Variants in PIKFYVE observed in about 807,000 individuals in gnomAD.
PIKFYVE encodes phosphoinositide kinase, FYVE-type zinc finger containing.
In PIKFYVE, 122 loss-of-function variants were observed where a neutral mutation model predicts 257.9. The observed-to-expected ratio is 0.47, with a 90% CI of 0.41 to 0.55. The LOEUF is 0.55. PIKFYVE is among the 20% of genes least tolerant of loss of function. The pLI is 0.00. For missense variants in PIKFYVE, 2,160 were observed against 2,536.6 expected (o/e 0.85, Z 3.19); for synonymous variants, 892 against 868.9 (o/e 1.03, Z -0.47).
chr2:208,280,827 T>G (rs1190321706), intron 5 of PIKFYVE, among the ~76,000 whole-genome samples: 1 of 152,216 alleles, frequency 6.6e-6, no homozygotes, highest in Admixed American at 6.5e-5. Context: ...ACTTCACTTG[T>G]GGAGACATTA....
At position 208,304,869 on chromosome 2, in the gene PIKFYVE, A is replaced by T; in HGVS notation, c.1492A>T (p.Thr498Ser). The T allele has an allele frequency of 6.2e-7, 1 of 1,614,154 alleles. No individual in the cohort carries two copies. The highest frequency in any genetic ancestry group is 8.5e-7 in the Non-Finnish European group (1 of 1,180,024). ...AGATTCTGCCAGTCCTAGCAAGCGC[A>T]CATCAGTCAGCAGTTTCCAGTCCAC... The part of the protein sequence containing the change: ...LANSASPSKR[T>S]SVSSFQSTVD... The change falls in exon 12 of 42, where the codon ACA (threonine) becomes TCA (serine). Residue 498 changes from threonine (T) to serine (S), a missense_variant. Coordinates refer to ENST00000264380, the MANE Select transcript of PIKFYVE (RefSeq NM_015040.4).
intron 39 of PIKFYVE, 118 bp from the exon 40 acceptor site, chr2:208,353,780 T>C: frequency 8.4e-7 from 1 of 1,189,750 alleles, no homozygotes; most frequent in Non-Finnish European, 1.2e-6. Context: ...AGTTAAACTT[T>C]GGAGTGTGTG....
chr2:208,326,143 C>A lies in PIKFYVE; in HGVS notation c.3332C>A (p.Ser1111Tyr). The change falls in exon 20 of 42, where the codon TCT becomes TAT. Residue 1111 changes from serine to tyrosine, a missense_variant. Transcript: ENST00000264380. ...RRKKQLLRDL[S>Y]GLQGMNGSIQ... is the part of the protein sequence containing the mutation. The stretch of plus-strand genomic sequence containing the variant: ...AAGAAACAGCTGCTCAGGGATCTCT[C>A]TGGACTTCAGGGCATGAATGGAAGT... 1 of 1,614,098 alleles carries A rather than the reference C, an allele frequency of 6.2e-7. No individual in the cohort carries two copies. The highest frequency in any genetic ancestry group is 8.5e-7 in the Non-Finnish European group (1 of 1,180,024).
intron 5 of PIKFYVE, among the ~76,000 whole-genome samples, chr2:208,279,086 T>C (rs1690477022): frequency 3.3e-5 from 5 of 152,226 alleles, no homozygotes; most frequent in Admixed American, 3.3e-4. Context: ...GGCTTTTTAA[T>C]AACAGCCATT....
intron 7 of PIKFYVE, among the ~76,000 whole-genome samples, chr2:208,293,046 C>A (rs1232972106): frequency 6.9e-6 from 1 of 144,474 alleles, no homozygotes; most frequent in African/African-American, 2.5e-5. Context: ...TATGTTATTC[C>A]ATTTTCTCTC....
intron 1 of PIKFYVE, among the ~76,000 whole-genome samples, chr2:208,270,199 G>A (rs1689235436): frequency 6.6e-6 from 1 of 151,788 alleles, no homozygotes; most frequent in African/African-American, 2.4e-5. Flanking sequence ...CCGCCACCAT[G>A]TCCAGCTAAT....
At chr2:208,301,685 T>C (rs1038814132) in intron 9 of PIKFYVE, among the ~76,000 whole-genome samples, 2 of 152,228 alleles carry the variant, frequency 1.3e-5, no homozygotes, top group African/African-American at 4.8e-5. Context: ...TTTGTGCTTT[T>C]AGTCACATTA....
Position 208,330,575 on chromosome 2 carries a change from A to T in PIKFYVE, c.3844A>T (p.Ile1282Phe), listed in dbSNP as rs1424288463. The T allele has an allele frequency of 6.8e-6, 11 of 1,614,076 alleles. No individual in the cohort carries two copies. The highest frequency in any genetic ancestry group is 1.7e-5 in the Admixed American group (1 of 60,002). The stretch of plus-strand genomic sequence containing the variant: ...CTGTGATACCCCCATGGTACATCAT[A>T]TTCGGCGCTTTGTTCATGGCCAAGG... ...MFCDTPMVHHIRRFVHGQGCV... is the reference protein window; with the variant it reads ...MFCDTPMVHHFRRFVHGQGCV... The change falls in exon 23 of 42, where the codon ATT becomes TTT. Residue 1282 changes from isoleucine (I) to phenylalanine (F), a missense_variant. This residue lies in a region of PIKFYVE where 55 missense variants were observed against 103.0 expected (regional missense o/e 0.53). Coordinates refer to ENST00000264380, the MANE Select transcript of PIKFYVE (RefSeq NM_015040.4).
intron 7 of PIKFYVE, among the ~76,000 whole-genome samples, chr2:208,293,081 T>C (rs1692515679): frequency 3.8e-5 from 1 of 26,122 alleles, no homozygotes; most frequent in African/African-American, 1.1e-4. Flanking sequence ...CGAGTTACAT[T>C]CTTTTTTTTT....
chr2:208,276,879 T>G, intron 4 of PIKFYVE, 49 bp downstream of exon 4: 1 of 1,468,214 alleles, frequency 6.8e-7, no homozygotes, highest in Non-Finnish European at 9.5e-7. Flanking sequence ...CTTATGGGGA[T>G]CATGCCATAC....
chr2:208,316,954 C>T (rs939775379), intron 15 of PIKFYVE, among the ~76,000 whole-genome samples: 7 of 152,140 alleles, frequency 4.6e-5, no homozygotes, highest in Non-Finnish European at 1.0e-4. Flanking sequence ...AACTGGATTC[C>T]TTCCTTACAT....
chr2:208,314,243 G>T (rs1177066598), intron 13 of PIKFYVE, 51 bp from the exon 14 acceptor site: 2 of 1,575,124 alleles, frequency 1.3e-6, no homozygotes, highest in Admixed American at 3.3e-5. Flanking sequence ...TGAGTAGATG[G>T]TATAAAACAG....
intron 12 of PIKFYVE, 96 bp downstream of exon 12, chr2:208,305,109 CG>C: frequency 6.3e-7 from 1 of 1,576,846 alleles, no homozygotes; most frequent in South Asian, 1.2e-5. Flanking sequence ...CTCTGTCCCA[CG>C]TGGCTGAGGG....
intron 5 of PIKFYVE, among the ~76,000 whole-genome samples, chr2:208,285,519 T>G (rs755768224): frequency 6.6e-5 from 10 of 152,206 alleles, no homozygotes; most frequent in Non-Finnish European, 1.5e-4. Context: ...AGTGCCAGAA[T>G]TCAAAATGGC....
At chr2:208,341,653 T>C (rs1322290719) in intron 31 of PIKFYVE, among the ~76,000 whole-genome samples, 1 of 152,148 alleles carries the variant, frequency 6.6e-6, no homozygotes, top group Non-Finnish European at 1.5e-5. Context: ...TGTTGTCTCT[T>C]TGTATTCTCA....
At chr2:208,291,480 C>G (rs1198930233) in intron 7 of PIKFYVE, among the ~76,000 whole-genome samples, 1 of 152,156 alleles carries the variant, frequency 6.6e-6, no homozygotes, top group Admixed American at 6.5e-5. Context: ...GAAATCCTGG[C>G]CTCACAGACT....
Position 208,325,923 on chromosome 2 carries a change from C to G in PIKFYVE, c.3112C>G (p.Arg1038Gly). The G allele has an allele frequency of 6.2e-7, 1 of 1,614,046 alleles. No individual in the cohort carries two copies. Among genetic ancestry groups the G allele is most frequent in the Non-Finnish European group, 8.5e-7 (1 of 1,179,948 alleles). Residue 1038 changes from arginine to glycine, a missense_variant, in exon 20 of 42, where the codon CGA becomes GGA. Physicochemically the swap from Arg to Gly is moderately radical, Grantham distance 125. Coordinates refer to ENST00000264380, the MANE Select transcript of PIKFYVE (RefSeq NM_015040.4). The part of the protein sequence containing the change: ...TEEVTSSEDK[R>G]KTYSLAFKQE... ...GGAAGTCACCTCCTCTGAAGATAAA[C>G]GAAAGACTTATTCTTTGGCCTTTAA...
At chr2:208,294,027 T>A (rs533413093) in intron 7 of PIKFYVE, among the ~76,000 whole-genome samples, 1 of 152,322 alleles carries the variant, frequency 6.6e-6, no homozygotes, top group Non-Finnish European at 1.5e-5. Flanking sequence ...TTTCTCTCTT[T>A]CTTCTTTTTT....
At chr2:208,299,478 C>T (rs927032723) in intron 8 of PIKFYVE, among the ~76,000 whole-genome samples, 4 of 151,938 alleles carry the variant, frequency 2.6e-5, no homozygotes, top group Admixed American at 1.3e-4. Context: ...TTAGTAGAGA[C>T]GGGGTTTCAC....
Sources: allele counts gnomAD v4.1 joint callset (sites outside exome capture counted in the v4.1 genomes callset), GRCh38; gene constraint gnomAD v4.1.1; regional missense constraint gnomAD v4.1.1; transcripts MANE v1.5; gene names NCBI Gene and HGNC (gene_info 2026-07-23, HGNC 2026-07-21).